GALNT9: variants seen among roughly 807,000 people sequenced by gnomAD.
GALNT9 encodes polypeptide N-acetylgalactosaminyltransferase 9.
In GALNT9, 47 loss-of-function variants were observed where a neutral mutation model predicts 63.1. The observed-to-expected ratio is 0.75, with a 90% CI of 0.59 to 0.95. The LOEUF is 0.95. GALNT9 is among the 40% of genes least tolerant of loss of function. The pLI, the probability that GALNT9 is intolerant of heterozygous loss-of-function variation, is 0.00. For missense variants in GALNT9, 829 were observed against 874.8 expected, an observed-to-expected ratio of 0.95 and a Z score of 0.66; for synonymous variants, 396 against 365.7, an observed-to-expected ratio of 1.08 and a Z score of -0.94.
chr12:132,268,146 C>T lies in GALNT9; in HGVS notation c.420-5521G>A, dbSNP rs558677095. 5.0e-4 allele frequency among the ~76,000 whole-genome samples: 76 copies of T among 151,034 alleles called. 1 individual carries two copies. Among genetic ancestry groups the T allele is most frequent in the African/African-American group, 1.7e-3 (71 of 40,652 alleles). ...ACACACACACTCACGCTCACACACACGCAATCTCACACAAGCACACTCTCA... is the reference window on the plus strand; with the variant it reads ...ACACACACACTCACGCTCACACACATGCAATCTCACACAAGCACACTCTCA... On this transcript the variant is annotated intron_variant, in intron 2 of 10. Transcript: ENST00000328957.
intron 6 of GALNT9, among the ~76,000 whole-genome samples, chr12:132,212,219 G>T (rs1876985710): frequency 1.4e-5 from 2 of 140,006 alleles, no homozygotes; most frequent in East Asian, 2.2e-4. Context: ...ACCCCACCCG[G>T]GTCTGCAGCC....
At chr12:132,211,741 C>G (rs913416912) in intron 6 of GALNT9, among the ~76,000 whole-genome samples, 4 of 152,202 alleles carry the variant, frequency 2.6e-5, no homozygotes, top group Non-Finnish European at 4.4e-5. Context: ...CCTTCAAGAG[C>G]ATTTGTGGGA....
At chr12:132,304,787 G>A (rs147929044) in intron 1 of GALNT9, among the ~76,000 whole-genome samples, 81 of 7,444 alleles carry the variant, frequency 0.011, no homozygotes, top group Admixed American at 0.023. Context: ...GCACACCCTC[G>A]CCCAGACACA....
intron 7 of GALNT9, 35 bp from the exon 8 acceptor site, chr12:132,201,296 G>A (rs769136204): frequency 2.0e-6 from 3 of 1,497,236 alleles, no homozygotes; most frequent in Non-Finnish European, 2.8e-6. Context: ...GGGTACATGG[G>A]TGTCACCATG....
chr12:132,293,205 C>G (rs1555242945), intron 1 of GALNT9, among the ~76,000 whole-genome samples: 2 of 152,312 alleles, frequency 1.3e-5, no homozygotes, highest in Middle Eastern at 3.4e-3. Context: ...GAAGGGGCCT[C>G]CAGGCAGCAT....
chr12:132,233,089 G>C (rs1276761838), intron 6 of GALNT9, among the ~76,000 whole-genome samples: 1 of 26,356 alleles, frequency 3.8e-5, no homozygotes, highest in Admixed American at 4.9e-4. Context: ...CCACACACTC[G>C]ATGGGGCGAC....
chr12:132,261,601 G>A (rs782298766), intron 3 of GALNT9, among the ~76,000 whole-genome samples: 1 of 152,190 alleles, frequency 6.6e-6, no homozygotes, highest in Non-Finnish European at 1.5e-5. Context: ...GGGCAGCCAC[G>A]CCATTCAGTC....
chr12:132,297,223 C>T (rs1286990470), intron 1 of GALNT9, among the ~76,000 whole-genome samples: 3 of 142,910 alleles, frequency 2.1e-5, no homozygotes, highest in African/African-American at 7.8e-5. Context: ...GACCAAGCCA[C>T]TTCCATCATA....
intron 2 of GALNT9, chr12:132,272,688 T>G (rs1163368520): frequency 1.3e-5 from 2 of 152,244 alleles, no homozygotes; most frequent in Non-Finnish European, 2.9e-5. Flanking sequence ...TACAGTACCC[T>G]TCTCAATTAA....
At chr12:132,229,586 G>T (rs985434373) in intron 6 of GALNT9, among the ~76,000 whole-genome samples, 49 of 152,300 alleles carry the variant, frequency 3.2e-4, no homozygotes, top group African/African-American at 1.1e-3. Flanking sequence ...TCATGAGCAC[G>T]CGTGACGGGG....
At chr12:132,288,880 C>T (rs555473824) in intron 1 of GALNT9, among the ~76,000 whole-genome samples, 11 of 151,024 alleles carry the variant, frequency 7.3e-5, no homozygotes, top group East Asian at 2.0e-4. Context: ...GGTGGCTGAG[C>T]GTGGTTTCGG....
In GALNT9 at chr12:132,315,104, G is replaced by A. The variant is rs1222667101; in HGVS notation, c.238+13862C>T. 1.3e-5 allele frequency among the ~76,000 whole-genome samples: 2 copies of A among 152,196 alleles called. No individual in the cohort carries two copies. Among genetic ancestry groups the A allele is most frequent in the Non-Finnish European group, 2.9e-5 (2 of 68,032 alleles). ...GGGCGGCCTGACGGAGGTGGCCCAG[G>A]GGGAGGTGGTGGGGCCGGGCTCTGA... On this transcript the variant is annotated intron_variant, in intron 1 of 10. Coordinates refer to ENST00000328957, the MANE Select transcript of GALNT9 (RefSeq NM_001122636.2). The surrounding 1 kb of genome is among the most constrained non-coding windows in gnomAD (Gnocchi z 6.1).
At chr12:132,267,133 A>C (rs73168803) in intron 2 of GALNT9, among the ~76,000 whole-genome samples, 2,470 of 152,264 alleles carry the variant, frequency 0.016, 68 homozygotes, top group African/African-American at 0.056. Flanking sequence ...GGCTTGTCTC[A>C]CAAAAAAGAA....
intron 6 of GALNT9, among the ~76,000 whole-genome samples, chr12:132,220,197 T>C (rs1185042430): frequency 6.6e-6 from 1 of 152,294 alleles, no homozygotes; most frequent in East Asian, 1.9e-4. Context: ...AGTTGGAGGC[T>C]GCAGTGAGTG....
chr12:132,223,035 CCA>C lies in GALNT9; in HGVS notation c.1078-19347_1078-19346del, dbSNP rs1310663682. 4.1e-3 allele frequency among the ~76,000 whole-genome samples: 290 copies of C among 71,212 alleles called. 7 individuals carry two copies. Among genetic ancestry groups the C allele is most frequent in the African/African-American group, 0.015 (264 of 17,058 alleles). 46.7% of individuals were successfully genotyped at this position (71,212 alleles called of 152,430 possible). ...ACCCACACCCTACACAACCCGTACCCCACACACACAGACACACCACACAACCC... is the reference window on the plus strand; with the variant it reads ...ACCCACACCCTACACAACCCGTACCCCACACACAGACACACCACACAACCC... On this transcript the variant is annotated intron_variant, in intron 6 of 10. Transcript: ENST00000328957.
In GALNT9 at chr12:132,209,012, C is replaced by T. The variant is rs536641372; in HGVS notation, c.1078-5322G>A. Among the ~76,000 whole-genome samples the T allele has an allele frequency of 2.0e-4, 30 of 152,294 alleles. 1 individual carries two copies. The South Asian group carries it at 5.0e-3, about 25-fold the overall frequency. On this transcript the variant is annotated intron_variant, in intron 6 of 10. Coordinates refer to ENST00000328957, the MANE Select transcript of GALNT9 (RefSeq NM_001122636.2). ...CTCTCAGGTGTCCTGGTTTGGGTGACGATGCCTGTGGTCACCCCCGTGCTA... is the reference window on the plus strand; with the variant it reads ...CTCTCAGGTGTCCTGGTTTGGGTGATGATGCCTGTGGTCACCCCCGTGCTA...
chr12:132,290,186 A>C (rs1880752562), intron 1 of GALNT9, among the ~76,000 whole-genome samples: 1 of 152,118 alleles, frequency 6.6e-6, no homozygotes, highest in South Asian at 2.1e-4. Flanking sequence ...AGAGGGCCCA[A>C]GCGATGATGT....
intron 5 of GALNT9, among the ~76,000 whole-genome samples, chr12:132,249,953 C>G (rs1013808225): frequency 6.6e-6 from 1 of 152,226 alleles, no homozygotes; most frequent in Non-Finnish European, 1.5e-5. Context: ...CTGCTCTGCC[C>G]GATGCCCGCA....
At chr12:132,201,319 C>T (rs1876084049) in intron 7 of GALNT9, 58 bp from the exon 8 acceptor site, 10 of 1,273,830 alleles carry the variant, frequency 7.9e-6, no homozygotes, top group Non-Finnish European at 1.1e-5. Flanking sequence ...CTGGGTCTTC[C>T]CCATAATGAG....
Sources: gnomAD v4.1 joint callset for allele counts (sites outside exome capture counted in the v4.1 genomes callset) on GRCh38, gnomAD v4.1.1 for gene constraint, Gnocchi (gnomAD v3.1) non-coding constraint, MANE v1.5 for transcripts, NCBI Gene and HGNC (gene_info 2026-07-23, HGNC 2026-07-21) for gene names.